The following FERRY3 variants were observed in gnomAD, a reference collection of about 807,000 sequenced individuals.
FERRY3 encodes the protein protein C12orf4.
chr12:4,489,965 A>C, the FERRY3 span: 49 of 1,122,240 alleles, frequency 4.4e-5, no homozygotes, highest in Non-Finnish European at 6.3e-5. Context: ...TAATTTTAGA[A>C]GTATTTTAAA....
chr12:4,506,454 TAGA>T, the FERRY3 span, among the ~76,000 whole-genome samples: 1 of 152,166 alleles, frequency 6.6e-6, no homozygotes, highest in South Asian at 2.1e-4. Flanking sequence ...GTCAGAGAGA[TAGA>T]AGGCTTTGAT....
chr12:4,511,259 A>T, the FERRY3 span, among the ~76,000 whole-genome samples: 4 of 151,350 alleles, frequency 2.6e-5, no homozygotes, highest in African/African-American at 9.7e-5. Flanking sequence ...AGTGACCTAC[A>T]AAGAGACTTA....
At chr12:4,494,412 T>G in the FERRY3 span, among the ~76,000 whole-genome samples, 1 of 152,250 alleles carries the variant, frequency 6.6e-6, no homozygotes, top group Non-Finnish European at 1.5e-5. Flanking sequence ...CTGCTTAACC[T>G]GATGTCATCA....
At chr12:4,497,707 T>C in the FERRY3 span, among the ~76,000 whole-genome samples, 1 of 152,208 alleles carries the variant, frequency 6.6e-6, no homozygotes, top group Non-Finnish European at 1.5e-5. Flanking sequence ...CAAAGATCTA[T>C]TGAGATAAAA....
the FERRY3 span, chr12:4,502,185 T>C: frequency 3.4e-6 from 1 of 295,324 alleles, no homozygotes; most frequent in South Asian, 2.7e-5. The surrounding 1 kb of genome is among the most constrained non-coding windows in gnomAD (Gnocchi z 4.2). Context: ...TTATTCGGTT[T>C]TATTTTCTTC....
chr12:4,514,036 A>C, the FERRY3 span, among the ~76,000 whole-genome samples: 1 of 150,812 alleles, frequency 6.6e-6, no homozygotes, highest in Non-Finnish European at 1.5e-5. Flanking sequence ...ATGAACTCAA[A>C]CAAATTTACA....
chr12:4,505,482 A>C, the FERRY3 span: 1 of 767,858 alleles, frequency 1.3e-6, no homozygotes, highest in Non-Finnish European at 2.2e-6. Flanking sequence ...AAATTCACTA[A>C]GGGCATCTAT....
At chr12:4,529,797 A>G in the FERRY3 span, 1 of 1,257,740 alleles carries the variant, frequency 8.0e-7, no homozygotes, top group Non-Finnish European at 1.1e-6. Flanking sequence ...AAAAATAAAA[A>G]CAAGTTGTTC....
chr12:4,515,080 TAATAAATA>T, the FERRY3 span, among the ~76,000 whole-genome samples: 1 of 152,028 alleles, frequency 6.6e-6, no homozygotes, highest in Non-Finnish European at 1.5e-5. Context: ...TAAAGTATAA[TAATAAATA>T]AATAAAGAAT....
the FERRY3 span, among the ~76,000 whole-genome samples, chr12:4,534,638 A>T: frequency 6.6e-6 from 1 of 152,122 alleles, no homozygotes; most frequent in Non-Finnish European, 1.5e-5. Flanking sequence ...CGTCAGCTCA[A>T]GTGATTCACC....
chr12:4,489,813 C>T, the FERRY3 span: 1 of 1,599,090 alleles, frequency 6.3e-7, no homozygotes, highest in African/African-American at 1.3e-5. Flanking sequence ...GGGTTTAGTG[C>T]TTGGATGTCA....
chr12:4,510,520 A>C, the FERRY3 span, among the ~76,000 whole-genome samples: 1 of 145,964 alleles, frequency 6.9e-6, no homozygotes, highest in Admixed American at 6.8e-5. Flanking sequence ...CCTCAAAGGG[A>C]AGCCCATCAG....
the FERRY3 span, among the ~76,000 whole-genome samples, chr12:4,501,095 C>T: frequency 3.9e-5 from 6 of 152,148 alleles, no homozygotes; most frequent in Non-Finnish European, 7.4e-5. Flanking sequence ...CCTTTGCTTT[C>T]CCTCAATGCC....
the FERRY3 span, among the ~76,000 whole-genome samples, chr12:4,533,807 T>G: frequency 3.9e-5 from 6 of 152,210 alleles, no homozygotes; most frequent in South Asian, 1.2e-3. Flanking sequence ...CAATTTTTTT[T>G]AGTATAAATA....
the FERRY3 span, among the ~76,000 whole-genome samples, chr12:4,537,380 T>G: frequency 6.6e-6 from 1 of 152,216 alleles, no homozygotes. Context: ...TATTTCTTAC[T>G]CTTGGCTAGA....
the FERRY3 span, among the ~76,000 whole-genome samples, chr12:4,534,564 T>C: frequency 6.6e-6 from 1 of 151,986 alleles, no homozygotes; most frequent in Non-Finnish European, 1.5e-5. Context: ...CCACCATGCA[T>C]GGCTAATTTT....
the FERRY3 span, among the ~76,000 whole-genome samples, chr12:4,521,485 G>C: frequency 1.3e-5 from 2 of 152,148 alleles, no homozygotes; most frequent in Non-Finnish European, 2.9e-5. Context: ...CAGATATTGG[G>C]ACGAAAAGAA....
chr12:4,500,760 C>A, the FERRY3 span, among the ~76,000 whole-genome samples: 1 of 152,320 alleles, frequency 6.6e-6, no homozygotes, highest in South Asian at 2.1e-4. Context: ...TCAAGCAATT[C>A]TCCTGCCTCA....
At chr12:4,527,115 GATATAA>G in the FERRY3 span, among the ~76,000 whole-genome samples, 4 of 151,892 alleles carry the variant, frequency 2.6e-5, no homozygotes, top group Non-Finnish European at 5.9e-5. Context: ...AATACAAACA[GATATAA>G]ATATATATTA....
Sources: gnomAD v4.1 joint callset for allele counts (sites outside exome capture counted in the v4.1 genomes callset) on GRCh38, gnomAD v4.1.1 for gene constraint, Gnocchi (gnomAD v3.1) non-coding constraint, MANE v1.5 for transcripts, NCBI Gene and HGNC (gene_info 2026-07-23, HGNC 2026-07-21) for gene names.